MEI4: variants seen among roughly 807,000 people sequenced by gnomAD.
MEI4 encodes the protein meiotic double-stranded break formation protein 4.
MEI4 carries 27 observed loss-of-function variants against 31.4 expected under a neutral mutation model. The observed-to-expected ratio is 0.86, with a 90% confidence interval of 0.63 to 1.19. MEI4 has a LOEUF of 1.19. Among genes scored for constraint, MEI4 ranks in the 50% most tolerant of loss-of-function variants. The pLI is 0.00. For synonymous variants in MEI4, 122 were observed against 145.4 expected (o/e 0.84, Z 1.16); for missense variants, 329 against 398.9 (o/e 0.82, Z 1.49).
At chr6:77,837,044 T>G (rs779899497) in intron 4 of MEI4, among the ~76,000 whole-genome samples, 62 of 152,068 alleles carry the variant, frequency 4.1e-4, no homozygotes, top group Non-Finnish European at 7.4e-4. Flanking sequence ...GGCTGAACAT[T>G]CCCCCAAAAT....
intron 4 of MEI4, among the ~76,000 whole-genome samples, chr6:77,886,436 T>TTCTG (rs1771620319): frequency 6.7e-6 from 1 of 150,060 alleles, no homozygotes; most frequent in Non-Finnish European, 1.5e-5. Context: ...TCCAGTTTTG[T>TTCTG]TTTTTTTTTT....
chr6:77,844,208 C>T (rs1770426470), intron 4 of MEI4, among the ~76,000 whole-genome samples: 1 of 152,094 alleles, frequency 6.6e-6, no homozygotes, highest in South Asian at 2.1e-4. Context: ...CATGAATCTG[C>T]ATTTGTCTTT....
intron 4 of MEI4, among the ~76,000 whole-genome samples, chr6:77,846,818 GA>G (rs1468307376): frequency 2.0e-5 from 3 of 151,946 alleles, no homozygotes; most frequent in Non-Finnish European, 2.9e-5. Context: ...TCTAAGCATT[GA>G]CAGTTCAAGG....
At chr6:77,706,227 A>G (rs1338589076) in intron 2 of MEI4, among the ~76,000 whole-genome samples, 2 of 152,150 alleles carry the variant, frequency 1.3e-5, no homozygotes, top group South Asian at 2.1e-4. Context: ...AGAGCTGACC[A>G]TAGGGAAATT....
chr6:77,887,883 AT>A (rs1771662171), intron 4 of MEI4, among the ~76,000 whole-genome samples: 1 of 152,154 alleles, frequency 6.6e-6, no homozygotes, highest in Non-Finnish European at 1.5e-5. Flanking sequence ...GCCAACTGTT[AT>A]TGCATTGGAG....
chr6:77,894,397 A>T (rs1454377333), intron 4 of MEI4, among the ~76,000 whole-genome samples: 1 of 151,204 alleles, frequency 6.6e-6, no homozygotes, highest in African/African-American at 2.5e-5. Flanking sequence ...TTTTTTTTAA[A>T]AAAAAGAAAG....
intron 1 of MEI4, among the ~76,000 whole-genome samples, chr6:77,681,844 C>T (rs527649473): frequency 1.9e-4 from 29 of 152,140 alleles, no homozygotes; most frequent in Non-Finnish European, 3.4e-4. Context: ...CCTTCTGTCA[C>T]GCACAGACTC....
intron 4 of MEI4, among the ~76,000 whole-genome samples, chr6:77,860,168 T>G (rs1770834479): frequency 1.3e-5 from 2 of 152,224 alleles, no homozygotes; most frequent in South Asian, 4.1e-4. Flanking sequence ...TATCCCTTAT[T>G]AATTAGCAGC....
chr6:77,807,151 T>G (rs1769461641), intron 3 of MEI4, among the ~76,000 whole-genome samples: 1 of 151,882 alleles, frequency 6.6e-6, no homozygotes, highest in Non-Finnish European at 1.5e-5. Context: ...TCATAAGTTT[T>G]TTTTTTTTTT....
intron 1 of MEI4, among the ~76,000 whole-genome samples, chr6:77,653,386 T>C (rs1478072321): frequency 6.6e-6 from 1 of 152,182 alleles, no homozygotes; most frequent in Non-Finnish European, 1.5e-5. Flanking sequence ...CACTTCTCAT[T>C]AGGAATTTTT....
intron 4 of MEI4, among the ~76,000 whole-genome samples, chr6:77,849,973 C>T (rs1212719225): frequency 2.0e-5 from 3 of 152,152 alleles, no homozygotes; most frequent in Non-Finnish European, 2.9e-5. Flanking sequence ...GAACGCGGTA[C>T]AAATTAATAG....
chr6:77,675,700 G>C (rs1216197000), intron 1 of MEI4, among the ~76,000 whole-genome samples: 1 of 152,068 alleles, frequency 6.6e-6, no homozygotes, highest in Non-Finnish European at 1.5e-5. Flanking sequence ...AAATATGAGA[G>C]TTTAGGGAGG....
chr6:77,922,055 T>C (rs1040979704), intron 4 of MEI4, among the ~76,000 whole-genome samples: 16 of 151,604 alleles, frequency 1.1e-4, no homozygotes, highest in African/African-American at 3.9e-4. Context: ...TTTGAAAAAA[T>C]TGCAATATCT....
intron 1 of MEI4, among the ~76,000 whole-genome samples, chr6:77,683,743 T>G (rs1271515136): frequency 2.0e-5 from 3 of 152,214 alleles, no homozygotes; most frequent in Non-Finnish European, 4.4e-5. Context: ...AAAGACTGAA[T>G]AGCATTTCAT....
chr6:77,742,043 A>G (rs1767421512), intron 2 of MEI4, among the ~76,000 whole-genome samples: 1 of 151,924 alleles, frequency 6.6e-6, no homozygotes, highest in African/African-American at 2.4e-5. Flanking sequence ...GCTTGGTTCC[A>G]AGTCTTTGCT....
chr6:77,863,958 G>A (rs921241870), intron 4 of MEI4, among the ~76,000 whole-genome samples: 25 of 152,140 alleles, frequency 1.6e-4, no homozygotes, highest in African/African-American at 6.0e-4. Context: ...TTTGAACCCA[G>A]AATTTCATAT....
In MEI4 at chr6:77,923,273, C is replaced by CTTTG. The variant is rs1328472164; in HGVS notation, c.1089_1092dup (p.Thr365ValfsTer21). The CTTTG allele has an allele frequency of 8.1e-7, 1 of 1,230,256 alleles. No homozygotes were observed. Among genetic ancestry groups the CTTTG allele is most frequent in the Non-Finnish European group, 1.0e-6 (1 of 986,718 alleles). The allele number at this position is 1,230,256 out of a possible 1,614,324, so 76.2% of individuals were successfully genotyped here. On this transcript the variant is annotated frameshift_variant, in exon 5 of 5. Transcript: ENST00000684080. LOFTEE classifies it high-confidence loss of function. ...ATTTTCCAACTTTCTGATGCATTTC[C>CTTTG]TTTGTTTACTTTTTATTTATGGAGA... is the stretch of plus-strand genomic sequence containing the variant.
chr6:77,771,681 A>G (rs546012814), intron 3 of MEI4, among the ~76,000 whole-genome samples: 4 of 152,156 alleles, frequency 2.6e-5, no homozygotes, highest in Admixed American at 2.6e-4. Context: ...GAAACTAACA[A>G]AGCAACAGAA....
intron 4 of MEI4, among the ~76,000 whole-genome samples, chr6:77,895,506 A>G (rs1345861103): frequency 6.6e-6 from 1 of 152,146 alleles, no homozygotes; most frequent in East Asian, 1.9e-4. Context: ...TCTAGAAGGA[A>G]TTGAGTCTGC....
Sources: allele counts gnomAD v4.1 joint callset (sites outside exome capture counted in the v4.1 genomes callset), GRCh38; gene constraint gnomAD v4.1.1; transcripts MANE v1.5; gene names NCBI Gene and HGNC (gene_info 2026-07-23, HGNC 2026-07-21).